Variants in PHF21A observed in about 807,000 individuals in gnomAD.
The protein encoded by PHF21A is BHC80a.
PHF21A carries 11 observed loss-of-function variants against 82.5 expected under a neutral mutation model. The ratio of observed to expected loss-of-function variants is 0.13; its 90% confidence interval spans 0.08 to 0.22. The LOEUF (loss-of-function observed/expected upper bound fraction) is 0.22. Among genes scored for constraint, PHF21A ranks in the 10% least tolerant of loss-of-function variants. The probability of loss-of-function intolerance (pLI) is 1.00; values close to 1 mark genes in which losing one functional copy is unlikely to be tolerated. For synonymous variants in PHF21A, 297 were observed against 302.8 expected, an observed-to-expected ratio of 0.98 and a Z score of 0.20; for missense variants, 579 against 837.8, an observed-to-expected ratio of 0.69 and a Z score of 3.81.
At chr11:46,114,754 C>T (rs189514193) in intron 1 of PHF21A, among the ~76,000 whole-genome samples, 47 of 152,224 alleles carry the variant, frequency 3.1e-4, no homozygotes, top group Admixed American at 2.8e-3. Flanking sequence ...GTAAGTATGT[C>T]GCTTTGGAGA....
intron 1 of PHF21A, among the ~76,000 whole-genome samples, chr11:46,105,539 T>C (rs936831583): frequency 2.0e-4 from 30 of 152,066 alleles, no homozygotes; most frequent in African/African-American, 7.0e-4. Flanking sequence ...CAATCTTCTA[T>C]AAAATGAATG....
chr11:46,013,964 G>A (rs996268158), intron 6 of PHF21A, among the ~76,000 whole-genome samples: 1 of 152,036 alleles, frequency 6.6e-6, no homozygotes. Flanking sequence ...TTATAATACC[G>A]TATACTTAGG....
chr11:46,071,947 T>C (rs1002855963), intron 6 of PHF21A, among the ~76,000 whole-genome samples: 13 of 152,062 alleles, frequency 8.5e-5, no homozygotes, highest in African/African-American at 2.9e-4. Context: ...GAGCAAAAGA[T>C]CGGGTGGATA....
At chr11:46,031,516 G>A (rs972668693) in intron 6 of PHF21A, among the ~76,000 whole-genome samples, 1 of 152,196 alleles carries the variant, frequency 6.6e-6, no homozygotes, top group African/African-American at 2.4e-5. Flanking sequence ...GACCCATGAG[G>A]TGAGGGTCTG....
chr11:45,963,228 T>G (rs941856399), intron 10 of PHF21A, among the ~76,000 whole-genome samples: 1 of 151,820 alleles, frequency 6.6e-6, no homozygotes, highest in African/African-American at 2.4e-5. Context: ...GAGACCAGCC[T>G]GGCCAACATG....
intron 6 of PHF21A, among the ~76,000 whole-genome samples, chr11:46,012,778 CTCAT>C (rs2095437153): frequency 6.6e-6 from 1 of 152,058 alleles, no homozygotes; most frequent in Non-Finnish European, 1.5e-5. Context: ...TAAGGCCAAA[CTCAT>C]TGTCTTCCCT....
chr11:46,114,904 T>C (rs2097269577), intron 1 of PHF21A, among the ~76,000 whole-genome samples: 1 of 152,182 alleles, frequency 6.6e-6, no homozygotes, highest in African/African-American at 2.4e-5. Context: ...TTGGCTTCTG[T>C]GTTTAAGTTA....
At chr11:45,976,647 G>T (rs1459090449) in intron 7 of PHF21A, among the ~76,000 whole-genome samples, 4 of 152,102 alleles carry the variant, frequency 2.6e-5, no homozygotes, top group Non-Finnish European at 2.9e-5. Context: ...TTTGAGACCA[G>T]CCTGGCAAAC....
intron 6 of PHF21A, among the ~76,000 whole-genome samples, chr11:46,070,492 A>G (rs1033450007): frequency 2.2e-4 from 34 of 152,178 alleles, no homozygotes; most frequent in African/African-American, 8.2e-4. Context: ...CACCACACCC[A>G]GCTAATTTTT....
At chr11:46,003,561 T>A (rs976800446) in intron 6 of PHF21A, among the ~76,000 whole-genome samples, 1 of 152,136 alleles carries the variant, frequency 6.6e-6, no homozygotes, top group Non-Finnish European at 1.5e-5. Context: ...ATAATGATGA[T>A]GACATTTTCA....
At chr11:46,033,745 T>C (rs1022724042) in intron 6 of PHF21A, among the ~76,000 whole-genome samples, 3 of 152,218 alleles carry the variant, frequency 2.0e-5, no homozygotes, top group South Asian at 2.1e-4. Flanking sequence ...GTGTAAAATA[T>C]AAACACCGGA....
At chr11:46,025,305 T>C (rs1182210841) in intron 6 of PHF21A, among the ~76,000 whole-genome samples, 1 of 152,214 alleles carries the variant, frequency 6.6e-6, no homozygotes, top group Non-Finnish European at 1.5e-5. Flanking sequence ...TTTCTCAAAC[T>C]TACTATGTCC....
chr11:45,989,689 A>T (rs1005362310), intron 6 of PHF21A, among the ~76,000 whole-genome samples: 17 of 150,130 alleles, frequency 1.1e-4, no homozygotes, highest in African/African-American at 3.9e-4. Context: ...TAAATAAATA[A>T]AAATAAAAAT....
intron 9 of PHF21A, among the ~76,000 whole-genome samples, chr11:45,966,524 G>A (rs1203263911): frequency 2.0e-5 from 3 of 152,188 alleles, no homozygotes; most frequent in Non-Finnish European, 4.4e-5. Flanking sequence ...GGTCAGCCTT[G>A]CTTGGGTTCA....
Position 45,934,855 on chromosome 11 carries a change from AG to A in PHF21A, c.1789-631del, listed in dbSNP as rs937996932. 23 of 354,990 alleles carry A rather than the reference AG, an allele frequency of 6.5e-5. No homozygotes were observed. In the Admixed American group the frequency reaches 8.6e-4, roughly 13 times the overall value. 22.0% of individuals were successfully genotyped at this position (354,990 alleles called of 1,614,324 possible). ...ACACCTGCTGGCTTCTATTTTAGGCAGGGAAAGAGAGGAAAGAGGTGTTAAA... is the reference window on the plus strand; with the variant it reads ...ACACCTGCTGGCTTCTATTTTAGGCAGGAAAGAGAGGAAAGAGGTGTTAAA... On this transcript the variant is annotated intron_variant, in intron 18 of 18. Transcript: ENST00000676320.
chr11:45,940,648 C>T (rs1201785869), intron 15 of PHF21A, among the ~76,000 whole-genome samples: 2 of 31,032 alleles, frequency 6.4e-5, no homozygotes, highest in African/African-American at 1.4e-4. Context: ...TGATTTTCTT[C>T]CTTCATTATT....
Position 46,048,626 on chromosome 11 carries a change from C to A in PHF21A, c.153+28128G>T, listed in dbSNP as rs559598181. On this transcript the variant is annotated intron_variant, in intron 6 of 18. Transcript: ENST00000676320. ...CTCTACTAAAAATACAAAAATTAGCCGGGCATGGTGGCATACACCTGTAAT... is the reference window on the plus strand; with the variant it reads ...CTCTACTAAAAATACAAAAATTAGCAGGGCATGGTGGCATACACCTGTAAT... Among the ~76,000 whole-genome samples, 15 of 151,922 alleles carry A rather than the reference C, an allele frequency of 9.9e-5. No homozygotes were observed. The South Asian group carries it at 3.1e-3, about 32-fold the overall frequency.
intron 15 of PHF21A, 136 bp downstream of exon 15, chr11:45,945,704 A>G: frequency 1.5e-6 from 1 of 687,512 alleles, no homozygotes; most frequent in Non-Finnish European, 2.3e-6. Context: ...ACATGGCATA[A>G]AAAGCATTCT....
At chr11:46,094,738 T>C (rs2096970707) in intron 1 of PHF21A, among the ~76,000 whole-genome samples, 2 of 151,196 alleles carry the variant, frequency 1.3e-5, no homozygotes, top group Admixed American at 6.6e-5. Context: ...CTACTAAAAA[T>C]ACAAAAAAAA....
Sources: gnomAD v4.1 joint callset for allele counts (sites outside exome capture counted in the v4.1 genomes callset) on GRCh38, gnomAD v4.1.1 for gene constraint, MANE v1.5 for transcripts, NCBI Gene and HGNC (gene_info 2026-07-23, HGNC 2026-07-21) for gene names.